FAM184B: variants seen among roughly 807,000 people sequenced by gnomAD.
FAM184B encodes protein FAM184B.
FAM184B carries 111 observed loss-of-function variants against 135.9 expected under a neutral mutation model. That is an observed-to-expected ratio of 0.82 (90% CI 0.70 to 0.96). The LOEUF is 0.96. Among genes scored for constraint, FAM184B ranks in the 40% least tolerant of loss-of-function variants. The probability of loss-of-function intolerance (pLI) is 0.00; values close to 1 mark genes in which losing one functional copy is unlikely to be tolerated. For missense variants in FAM184B, 1,375 were observed against 1,323.9 expected (o/e 1.04, Z -0.60); for synonymous variants, 552 against 524.8 (o/e 1.05, Z -0.71).
chr4:17,682,457 T>G (rs1384951937), intron 7 of FAM184B, among the ~76,000 whole-genome samples: 1 of 152,112 alleles, frequency 6.6e-6, no homozygotes, highest in Non-Finnish European at 1.5e-5. Context: ...ATTATTATTT[T>G]TATCTCTCTC....
At chr4:17,674,928 T>A (rs1716278658) in intron 7 of FAM184B, among the ~76,000 whole-genome samples, 1 of 152,196 alleles carries the variant, frequency 6.6e-6, no homozygotes, top group Non-Finnish European at 1.5e-5. Context: ...TCATCTGAAA[T>A]CTTGAACCCC....
chr4:17,642,367 C>G lies in FAM184B; in HGVS notation c.2347-139G>C, dbSNP rs989980298. On this transcript the variant is annotated intron_variant, in intron 12 of 17. Coordinates refer to ENST00000265018, the MANE Select transcript of FAM184B (RefSeq NM_015688.2). ...GGAGCCTGTGGCAGGCTCCTGAGTT[C>G]CCTGCAGGGACTCCCATCTAGTCTC... 1.2e-5 allele frequency: 17 copies of G among 1,361,632 alleles called. No individual in the cohort carries two copies. The African/African-American group carries it at 2.5e-4, about 20-fold the overall frequency. The allele number at this position is 1,361,632 out of a possible 1,614,324, so 84.3% of individuals were successfully genotyped here. A position where few individuals can be genotyped will look rare whatever the true frequency, so the allele number is the denominator to read the frequency against.
chr4:17,755,703 A>G (rs1037932054), intron 1 of FAM184B, among the ~76,000 whole-genome samples: 2 of 152,226 alleles, frequency 1.3e-5, no homozygotes, highest in African/African-American at 4.8e-5. Flanking sequence ...TGTGGTACAT[A>G]TACACCACAA....
At chr4:17,773,635 C>T (rs368116459) in intron 1 of FAM184B, among the ~76,000 whole-genome samples, 18 of 152,156 alleles carry the variant, frequency 1.2e-4, no homozygotes, top group African/African-American at 2.2e-4. Flanking sequence ...TGGAGTGCAG[C>T]GGCACAATCT....
At chr4:17,686,389 C>A (rs1303823648) in intron 7 of FAM184B, among the ~76,000 whole-genome samples, 2 of 152,214 alleles carry the variant, frequency 1.3e-5, no homozygotes, top group Non-Finnish European at 1.5e-5. Flanking sequence ...CTCAAGGATT[C>A]TCCCTTAATC....
intron 1 of FAM184B, among the ~76,000 whole-genome samples, chr4:17,722,983 G>A (rs763763539): frequency 6.6e-6 from 1 of 152,122 alleles, no homozygotes; most frequent in Non-Finnish European, 1.5e-5. Flanking sequence ...AAATTCAAAC[G>A]CAGACAGAGC....
chr4:17,709,537 G>A lies in FAM184B; in HGVS notation c.249C>T (p.Ala83=), dbSNP rs1717205510. Residue 83 remains alanine (A), a synonymous_variant, in exon 2 of 18, where the codon GCC becomes GCT. Coordinates refer to ENST00000265018, the MANE Select transcript of FAM184B (RefSeq NM_015688.2). ...CGCAGCCCTGTTCCTGCAGGAGCCT[G>A]GCCTTGGTCTCTGCCACCGCATTCT... The part of the protein sequence containing the change: ...ELQNAVAETK[A]RLLQEQGCAE... 2 of 1,551,006 alleles carry A rather than the reference G, an allele frequency of 1.3e-6. No individual in the cohort carries two copies. Among genetic ancestry groups the A allele is most frequent in the Non-Finnish European group, 8.7e-7 (1 of 1,146,968 alleles).
At chr4:17,697,088 G>C (rs1289801679) in intron 5 of FAM184B, among the ~76,000 whole-genome samples, 2 of 152,188 alleles carry the variant, frequency 1.3e-5, no homozygotes, top group African/African-American at 2.4e-5. Context: ...GAGACTGGAG[G>C]CAGGGAAATC....
In FAM184B at chr4:17,639,340, T is replaced by C. The variant is rs1715240638; in HGVS notation, c.2576A>G (p.Gln859Arg). Reference protein sequence around the residue: ...QRAREVETLRQEHRKEMQAMV... With the variant: ...QRAREVETLRREHRKEMQAMV... ...GGCCTGCATCTCCTTCCGGTGTTCC[T>C]GGCGCAGTGTCTCCACCTCCCTGGC... Residue 859 changes from glutamine to arginine, a missense_variant, in exon 14 of 18, where the codon CAG becomes CGG. Transcript: ENST00000265018. 1 of 1,551,746 alleles carries C rather than the reference T, an allele frequency of 6.4e-7. No individual in the cohort carries two copies. Among genetic ancestry groups the C allele is most frequent in the Non-Finnish European group, 8.7e-7 (1 of 1,147,006 alleles).
intron 6 of FAM184B, among the ~76,000 whole-genome samples, chr4:17,690,569 C>A (rs1716710416): frequency 6.6e-6 from 1 of 152,108 alleles, no homozygotes; most frequent in East Asian, 1.9e-4. Context: ...AAGACTCTAG[C>A]AACATTGCAG....
intron 1 of FAM184B, among the ~76,000 whole-genome samples, chr4:17,723,189 A>AAATATAAACATATTG (rs1441139297): frequency 6.6e-6 from 1 of 152,230 alleles, no homozygotes; most frequent in Non-Finnish European, 1.5e-5. Flanking sequence ...GCAGCATGAT[A>AAATATAAACATATTG]AATATAAACA....
At chr4:17,746,710 C>G (rs1392397820) in intron 1 of FAM184B, among the ~76,000 whole-genome samples, 1 of 139,758 alleles carries the variant, frequency 7.2e-6, no homozygotes, top group African/African-American at 2.7e-5. Context: ...GCAGCCTAGG[C>G]GACAGAGCGA....
intron 1 of FAM184B, among the ~76,000 whole-genome samples, chr4:17,728,792 C>T (rs1307812671): frequency 6.6e-6 from 1 of 152,142 alleles, no homozygotes. Flanking sequence ...CGAATAGGAA[C>T]AGCTCTGGTC....
chr4:17,726,219 C>T (rs539088455), intron 1 of FAM184B, among the ~76,000 whole-genome samples: 42 of 152,146 alleles, frequency 2.8e-4, no homozygotes, highest in African/African-American at 9.6e-4. Flanking sequence ...CCACCGTGCC[C>T]GGCCCACTAA....
rs1420055862 is a variant in FAM184B at position 17,709,489 on chromosome 4, C to T, written c.297G>A (p.Gln99=). ...GGGCGCTCTCCAGGGCCTGGATGCG[C>T]TGTAGAAGGGCTTCCTCCTCTGCGC... ...QGCAEEEALL[Q]RIQALESALE... is the part of the protein sequence containing the mutation. The change falls in exon 2 of 18, where the codon CAG becomes CAA. Residue 99 remains glutamine (Q), a synonymous_variant. Transcript: ENST00000265018. The T allele has an allele frequency of 6.5e-7, 1 of 1,549,268 alleles. No individual in the cohort carries two copies. Among genetic ancestry groups the T allele is most frequent in the South Asian group, 1.2e-5 (1 of 83,856 alleles).
At chr4:17,717,411 C>A (rs1265118552) in intron 1 of FAM184B, among the ~76,000 whole-genome samples, 1 of 152,146 alleles carries the variant, frequency 6.6e-6, no homozygotes. Flanking sequence ...GGGCTTCATG[C>A]CTCACAGGTC....
chr4:17,778,305 G>A (rs1718971901), intron 1 of FAM184B, among the ~76,000 whole-genome samples: 1 of 152,080 alleles, frequency 6.6e-6, no homozygotes, highest in Admixed American at 6.6e-5. Flanking sequence ...GTGTGGTGTG[G>A]GAAAATAACT....
In FAM184B at chr4:17,709,120, C is replaced by T. The variant is rs61741431; in HGVS notation, c.666G>A (p.Gln222=). Residue 222 remains glutamine (Q), a synonymous_variant, in exon 2 of 18, where the codon CAG becomes CAA. Coordinates refer to ENST00000265018, the MANE Select transcript of FAM184B (RefSeq NM_015688.2). ...CCTCGTTTTCCCTCTCGTAGGTGGC[C>T]TGCAGCTCCTCGGCCTTGCGGGCGT... ...KDYARKAEEL[Q]ATYERENEAI... is the part of the protein sequence containing the mutation. The T allele has an allele frequency of 5.4e-4, 840 of 1,549,120 alleles. No individual in the cohort carries two copies. Among genetic ancestry groups the T allele is most frequent in the Non-Finnish European group, 6.3e-4 (718 of 1,146,984 alleles).
intron 1 of FAM184B, among the ~76,000 whole-genome samples, chr4:17,772,931 T>C (rs1368074324): frequency 6.6e-6 from 1 of 152,224 alleles, no homozygotes. Context: ...GCAAGAGCTC[T>C]ATAGGCCCAG....
Sources: gnomAD v4.1 joint callset for allele counts (sites outside exome capture counted in the v4.1 genomes callset) on GRCh38, gnomAD v4.1.1 for gene constraint, MANE v1.5 for transcripts, NCBI Gene and HGNC (gene_info 2026-07-23, HGNC 2026-07-21) for gene names.